Variants in ALG9 observed in about 807,000 individuals in gnomAD.
ALG9 encodes the protein alpha-1,2-mannosyltransferase ALG9.
A neutral mutation model predicts 81.8 loss-of-function variants in ALG9; 55 were observed. The ratio of observed to expected loss-of-function variants is 0.67; its 90% CI spans 0.54 to 0.84. The LOEUF (loss-of-function observed/expected upper bound fraction) is 0.84. ALG9 is among the 40% of genes least tolerant of loss of function. The pLI, the probability that ALG9 is intolerant of heterozygous loss-of-function variation, is 0.00. For missense variants in ALG9, 629 were observed against 745.0 expected, an observed-to-expected ratio of 0.84 and a Z score of 1.81; for synonymous variants, 278 against 274.3, an observed-to-expected ratio of 1.01 and a Z score of -0.13.
At chr11:111,853,228 G>A in intron 8 of ALG9, 152 bp downstream of exon 8, 2 of 689,856 alleles carry the variant, frequency 2.9e-6, no homozygotes, top group South Asian at 3.2e-5. Context: ...TGTCATCATT[G>A]TGCTATACTC....
chr11:111,850,327 A>G (rs1302656644), intron 8 of ALG9, among the ~76,000 whole-genome samples: 1 of 152,156 alleles, frequency 6.6e-6, no homozygotes, highest in Admixed American at 6.6e-5. Flanking sequence ...TAAGTCTGGA[A>G]TATACAAGGA....
At position 111,823,809 on chromosome 11, in the gene ALG9, A is replaced by G. The variant is rs945438969; in HGVS notation, c.1602+12356T>C. ...ATGGTTGTTTCCCTTCCCACTGTTC[A>G]CATTCCACATCACCAATCAATTGTG... On this transcript the variant is annotated intron_variant, in intron 13 of 14. Transcript: ENST00000616540. Among the ~76,000 whole-genome samples, 3 of 152,208 alleles carry G rather than the reference A, an allele frequency of 2.0e-5. No homozygotes were observed. In the East Asian group the frequency reaches 5.8e-4, roughly 29 times the overall value.
chr11:111,853,810 T>G, intron 6 of ALG9, 74 bp from the exon 7 acceptor site: 1 of 1,297,724 alleles, frequency 7.7e-7, no homozygotes, highest in South Asian at 1.2e-5. Context: ...ACATACCTCA[T>G]GCTGAACTGA....
Position 111,785,833 on chromosome 11 carries a change from G to A in ALG9, c.*564C>T. On this transcript the variant is annotated 3_prime_UTR_variant, in exon 15 of 15. Transcript: ENST00000616540. ...CAGGACAGGGTCCTAGTCCTGTGAAGTGCTTTAAAGAAGCTTAGTCTTGCT... is the reference window on the plus strand; with the variant it reads ...CAGGACAGGGTCCTAGTCCTGTGAAATGCTTTAAAGAAGCTTAGTCTTGCT... 2.8e-6 allele frequency: 1 copy of A among 354,174 alleles called. No homozygotes were observed. Among genetic ancestry groups the A allele is most frequent in the East Asian group, 7.4e-5 (1 of 13,530 alleles). 21.9% of individuals were successfully genotyped at this position (354,174 alleles called of 1,614,324 possible).
At chr11:111,861,154 T>C (rs1484266057) in intron 4 of ALG9, among the ~76,000 whole-genome samples, 3 of 152,182 alleles carry the variant, frequency 2.0e-5, no homozygotes, top group African/African-American at 7.2e-5. Context: ...TAGATGAAAA[T>C]GTGAATAAGT....
intron 13 of ALG9, among the ~76,000 whole-genome samples, chr11:111,829,575 T>TA (rs1374078879): frequency 2.0e-5 from 3 of 152,190 alleles, no homozygotes; most frequent in Non-Finnish European, 4.4e-5. Flanking sequence ...GATAACAATT[T>TA]AATACCACTC....
the ALG9 span, among the ~76,000 whole-genome samples, chr11:111,770,821 C>T: frequency 7.2e-5 from 11 of 152,290 alleles, no homozygotes; most frequent in East Asian, 2.1e-3. Flanking sequence ...CTCTATTCCT[C>T]CCTCAGGTCT....
intron 8 of ALG9, among the ~76,000 whole-genome samples, chr11:111,851,373 G>A (rs941268410): frequency 2.0e-5 from 3 of 151,806 alleles, no homozygotes; most frequent in Non-Finnish European, 4.4e-5. Context: ...CCGATACTCA[G>A]GAGGCTGAGG....
the ALG9 span, among the ~76,000 whole-genome samples, chr11:111,773,338 G>A: frequency 9.2e-5 from 14 of 151,966 alleles, no homozygotes; most frequent in African/African-American, 2.4e-4. Context: ...TCCACCTCCC[G>A]GGTCCAAGTG....
chr11:111,861,198 A>T (rs528139964), intron 4 of ALG9, among the ~76,000 whole-genome samples: 7 of 152,342 alleles, frequency 4.6e-5, no homozygotes, highest in Admixed American at 2.6e-4. Flanking sequence ...TTAAGCAATT[A>T]CGTATCTTCT....
At chr11:111,815,179 G>C (rs1414458249) in intron 13 of ALG9, among the ~76,000 whole-genome samples, 1 of 152,068 alleles carries the variant, frequency 6.6e-6, no homozygotes, top group African/African-American at 2.4e-5. Context: ...TTAAAGTAAA[G>C]GTCTTAGAAA....
At chr11:111,851,340 G>T (rs1957781538) in intron 8 of ALG9, among the ~76,000 whole-genome samples, 1 of 152,060 alleles carries the variant, frequency 6.6e-6, no homozygotes, top group Admixed American at 6.6e-5. Flanking sequence ...TTAGAAGGGT[G>T]TGGTGGCGGG....
At chr11:111,798,982 C>T (rs1948703670) in intron 14 of ALG9, among the ~76,000 whole-genome samples, 1 of 152,212 alleles carries the variant, frequency 6.6e-6, no homozygotes, top group African/African-American at 2.4e-5. Flanking sequence ...ACTTCTCCAT[C>T]ACTCCAACAA....
intron 3 of ALG9, among the ~76,000 whole-genome samples, chr11:111,866,167 G>T (rs1555152725): frequency 6.6e-6 from 1 of 152,052 alleles, no homozygotes; most frequent in African/African-American, 2.4e-5. Flanking sequence ...CATGGTGGCG[G>T]GCAACTGTAA....
At chr11:111,797,152 C>A (rs1020718002) in intron 14 of ALG9, among the ~76,000 whole-genome samples, 1 of 152,232 alleles carries the variant, frequency 6.6e-6, no homozygotes, top group African/African-American at 2.4e-5. Context: ...CTCCCATCAA[C>A]AGGGGAAGTC....
At chr11:111,856,531 A>C (rs1248349889) in intron 6 of ALG9, among the ~76,000 whole-genome samples, 1 of 151,888 alleles carries the variant, frequency 6.6e-6, no homozygotes, top group Non-Finnish European at 1.5e-5. Context: ...CTGGAAAGAC[A>C]TATACCAAAC....
At chr11:111,815,654 C>A (rs905692682) in intron 13 of ALG9, among the ~76,000 whole-genome samples, 3 of 151,970 alleles carry the variant, frequency 2.0e-5, no homozygotes, top group Non-Finnish European at 4.4e-5. Context: ...CTGGGTTCTA[C>A]CACAGACTGG....
intron 14 of ALG9, among the ~76,000 whole-genome samples, chr11:111,787,276 CA>C (rs1187340616): frequency 1.5e-4 from 23 of 151,286 alleles, no homozygotes; most frequent in African/African-American, 5.6e-4. Flanking sequence ...ATTAAAAATA[CA>C]AAAAAATTAG....
intron 5 of ALG9, 56 bp from the exon 6 acceptor site, chr11:111,857,793 G>C (rs999052190): frequency 1.1e-4 from 179 of 1,599,440 alleles, no homozygotes; most frequent in Non-Finnish European, 1.4e-4. Flanking sequence ...AGGTTAATTA[G>C]GTATCAATTA....
Sources: allele counts gnomAD v4.1 joint callset (sites outside exome capture counted in the v4.1 genomes callset), GRCh38; gene constraint gnomAD v4.1.1; transcripts MANE v1.5; gene names NCBI Gene and HGNC (gene_info 2026-07-23, HGNC 2026-07-21).